Variants in AUTS2 observed in about 807,000 individuals in gnomAD.
The protein encoded by AUTS2 is activator of transcription and developmental regulator AUTS2.
AUTS2 carries 17 observed loss-of-function variants against 112.4 expected under a neutral mutation model. That is an observed-to-expected ratio of 0.15 (90% CI 0.10 to 0.23). The LOEUF is 0.23. Ranked by LOEUF, AUTS2 falls within the 10% of genes least tolerant of loss-of-function variation. AUTS2 has a pLI of 1.00. For missense variants in AUTS2, 1,510 were observed against 1,701.6 expected, an observed-to-expected ratio of 0.89 and a Z score of 1.98; for synonymous variants, 751 against 702.7, an observed-to-expected ratio of 1.07 and a Z score of -1.09.
Position 70,233,560 on chromosome 7 carries a change from G to A in AUTS2, c.660+98989G>A, listed in dbSNP as rs538040992. ...CTGCTGCGTTTAGAAATGGAATTGCGGGCAGATACATTTGTCAAATTTAAC... is the reference window on the plus strand; with the variant it reads ...CTGCTGCGTTTAGAAATGGAATTGCAGGCAGATACATTTGTCAAATTTAAC... On this transcript the variant is annotated intron_variant, in intron 4 of 18. Transcript: ENST00000342771. 5.9e-5 allele frequency among the ~76,000 whole-genome samples: 9 copies of A among 152,208 alleles called. 1 individual carries two copies. In the South Asian group the frequency reaches 1.2e-3, roughly 21 times the overall value.
rs1806195657 is a variant in AUTS2, at chr7:70,130,125, G to A, written c.625-4411G>A. Among the ~76,000 whole-genome samples, 3 of 152,082 alleles carry A rather than the reference G, an allele frequency of 2.0e-5. No homozygotes were observed. The South Asian group carries it at 6.2e-4, about 32-fold the overall frequency. On this transcript the variant is annotated intron_variant, in intron 3 of 18. Coordinates refer to ENST00000342771, the MANE Select transcript of AUTS2 (RefSeq NM_015570.4). ...GAGAGAAAAGCATAACATGAAGGTG[G>A]GTAGCCAGGAATGTTGAACACAATT...
intron 1 of AUTS2, among the ~76,000 whole-genome samples, chr7:69,852,213 T>C (rs760036105): frequency 1.3e-5 from 2 of 152,184 alleles, no homozygotes; most frequent in African/African-American, 2.4e-5. Context: ...ATGGATTATG[T>C]TGATTGGTTT....
chr7:70,348,731 A>T (rs1791615142), intron 4 of AUTS2, among the ~76,000 whole-genome samples: 2 of 152,006 alleles, frequency 1.3e-5, no homozygotes, highest in East Asian at 1.9e-4. Flanking sequence ...AATGGCGTGA[A>T]CCCCGGGAGG....
intron 4 of AUTS2, among the ~76,000 whole-genome samples, chr7:70,180,084 T>C (rs1809216527): frequency 6.6e-6 from 1 of 152,224 alleles, no homozygotes; most frequent in Non-Finnish European, 1.5e-5. Context: ...TAGTTTATTA[T>C]GGAAGTCTTT....
chr7:69,606,352 T>C, intron 1 of AUTS2, among the ~76,000 whole-genome samples: 1 of 92,628 alleles, frequency 1.1e-5, no homozygotes, highest in South Asian at 3.6e-4. Flanking sequence ...TTAGGAATAA[T>C]TTAGGTCTAA....
intron 6 of AUTS2, among the ~76,000 whole-genome samples, chr7:70,724,602 C>T (rs561701528): frequency 1.2e-4 from 19 of 152,104 alleles, no homozygotes; most frequent in Admixed American, 2.6e-4. Flanking sequence ...TCTACCACCA[C>T]GCCCGGCTAA....
intron 1 of AUTS2, among the ~76,000 whole-genome samples, chr7:69,660,889 G>A (rs1413366655): frequency 1.3e-5 from 2 of 152,222 alleles, no homozygotes; most frequent in South Asian, 2.1e-4. Flanking sequence ...AGCTGAGATC[G>A]CGCCACTGCA....
intron 4 of AUTS2, among the ~76,000 whole-genome samples, chr7:70,382,528 C>G (rs1793415868): frequency 1.3e-5 from 2 of 152,200 alleles, no homozygotes; most frequent in Admixed American, 6.5e-5. Context: ...TGGCGCCACC[C>G]TCCCTTTCAA....
chr7:70,080,379 A>G (rs905676207), intron 2 of AUTS2, among the ~76,000 whole-genome samples: 13 of 152,332 alleles, frequency 8.5e-5, no homozygotes, highest in East Asian at 3.9e-4. Context: ...TACTGGTTCA[A>G]AAACATCAAC....
intron 6 of AUTS2, among the ~76,000 whole-genome samples, chr7:70,701,799 A>G (rs75110356): frequency 0.18 from 27,534 of 152,180 alleles, 2,631 homozygotes; most frequent in East Asian, 0.26. Flanking sequence ...ATGTGTTTAA[A>G]TGTTTACAGG....
At chr7:70,099,381 T>G (rs1272563649) in intron 2 of AUTS2, among the ~76,000 whole-genome samples, 1 of 152,210 alleles carries the variant, frequency 6.6e-6, no homozygotes, top group East Asian at 1.9e-4. Context: ...CTTAGCATCT[T>G]CCTTAACTTA....
At chr7:70,624,706 C>T (rs1359151347) in intron 5 of AUTS2, among the ~76,000 whole-genome samples, 3 of 152,182 alleles carry the variant, frequency 2.0e-5, no homozygotes, top group African/African-American at 7.2e-5. Flanking sequence ...TAGAGAAACA[C>T]TGTGCCCCGC....
intron 1 of AUTS2, among the ~76,000 whole-genome samples, chr7:69,631,029 A>G (rs975274340): frequency 6.6e-6 from 1 of 152,140 alleles, no homozygotes; most frequent in Non-Finnish European, 1.5e-5. Flanking sequence ...TGGTCATTTT[A>G]AGAACTAGGC....
chr7:70,405,129 G>A (rs1053073322), intron 4 of AUTS2, among the ~76,000 whole-genome samples: 9 of 152,156 alleles, frequency 5.9e-5, no homozygotes, highest in Non-Finnish European at 7.4e-5. Flanking sequence ...TTGCAAGAGA[G>A]AACAGGAGAG....
intron 5 of AUTS2, among the ~76,000 whole-genome samples, chr7:70,502,297 C>T (rs1194301254): frequency 2.0e-5 from 3 of 152,164 alleles, no homozygotes; most frequent in African/African-American, 7.2e-5. Context: ...AATGGCACAC[C>T]TTCTGAATGT....
At chr7:69,701,840 G>T (rs773146540) in intron 1 of AUTS2, among the ~76,000 whole-genome samples, 13 of 152,298 alleles carry the variant, frequency 8.5e-5, no homozygotes, top group Admixed American at 7.2e-4. Context: ...CTCCTTGGTG[G>T]TGGAGTTGGG....
At chr7:69,803,044 T>C (rs1217686811) in intron 1 of AUTS2, among the ~76,000 whole-genome samples, 1 of 152,190 alleles carries the variant, frequency 6.6e-6, no homozygotes, top group Non-Finnish European at 1.5e-5. Context: ...ACATGACAGT[T>C]TGTGTATGCT....
Position 70,789,918 on chromosome 7 carries a change from G to T in AUTS2, c.2702G>T (p.Arg901Leu), listed in dbSNP as rs138775036. ...KERERDHSES[R>L]KDLAADEHKA... ...AGGGAGAGAGACCACTCGGAATCCC[G>T]CAAGGACCTGGCCGCCGACGAGCAC... The change falls in exon 19 of 19, where the codon CGC becomes CTC. Residue 901 changes from arginine (R) to leucine (L), a missense_variant. Coordinates refer to ENST00000342771, the MANE Select transcript of AUTS2 (RefSeq NM_015570.4). The T allele has an allele frequency of 6.2e-7, 1 of 1,614,020 alleles. No individual in the cohort carries two copies. The highest frequency in any genetic ancestry group is 8.5e-7 in the Non-Finnish European group (1 of 1,180,024).
intron 4 of AUTS2, chr7:70,316,848 C>T (rs1790019598): frequency 6.6e-6 from 1 of 152,210 alleles, no homozygotes; most frequent in Non-Finnish European, 1.5e-5. Context: ...CTCTTGTAGA[C>T]ACAAGAAGGC....
Sources: gnomAD v4.1 joint callset for allele counts (sites outside exome capture counted in the v4.1 genomes callset) on GRCh38, gnomAD v4.1.1 for gene constraint, MANE v1.5 for transcripts, NCBI Gene and HGNC (gene_info 2026-07-23, HGNC 2026-07-21) for gene names.